Variants in BACH2 observed in about 807,000 individuals in gnomAD.
BACH2 encodes the protein BACH transcriptional regulator 2.
BACH2 carries 5 observed loss-of-function variants against 61.8 expected under a neutral mutation model. The observed-to-expected ratio is 0.08, with a 90% CI of 0.04 to 0.17. The LOEUF is 0.17. BACH2 is among the 10% of genes least tolerant of loss of function. The probability of loss-of-function intolerance (pLI) is 1.00; values close to 1 mark genes in which losing one functional copy is unlikely to be tolerated. For synonymous variants in BACH2, 446 were observed against 440.1 expected, an observed-to-expected ratio of 1.01 and a Z score of -0.17; for missense variants, 824 against 1,091.1, an observed-to-expected ratio of 0.76 and a Z score of 3.45.
chr6:90,220,478 A>T (rs971117987), intron 3 of BACH2, among the ~76,000 whole-genome samples: 4 of 152,234 alleles, frequency 2.6e-5, no homozygotes, highest in African/African-American at 9.6e-5. Flanking sequence ...TCAGGGGAGG[A>T]CTGTTTATTC....
At chr6:90,004,681 C>T (rs996011496) in intron 6 of BACH2, among the ~76,000 whole-genome samples, 12 of 152,188 alleles carry the variant, frequency 7.9e-5, no homozygotes, top group African/African-American at 2.7e-4. Flanking sequence ...ATGCTACTTC[C>T]GTCATGGCTG....
chr6:90,258,514 T>C (rs1301496577), intron 2 of BACH2, among the ~76,000 whole-genome samples: 1 of 152,206 alleles, frequency 6.6e-6, no homozygotes, highest in Non-Finnish European at 1.5e-5. Flanking sequence ...TCCAACTTTG[T>C]TTTGCTTTTT....
intron 4 of BACH2, among the ~76,000 whole-genome samples, chr6:90,099,338 T>G (rs944005003): frequency 1.3e-5 from 2 of 152,202 alleles, no homozygotes; most frequent in African/African-American, 4.8e-5. Context: ...AGGCTCAGTT[T>G]CCTGATGTGA....
At chr6:90,021,299 T>TAAAAAAAAAAAAAAAAAAAAAAAAAAAA (rs200724602) in intron 5 of BACH2, among the ~76,000 whole-genome samples, 1 of 100,242 alleles carries the variant, frequency 1.0e-5, no homozygotes. Context: ...AGCAAAAAAG[T>TAAAAAAAAAAAAAAAAAAAAAAAAAAAA]AAAAAAAAAA....
intron 5 of BACH2, among the ~76,000 whole-genome samples, chr6:90,055,538 G>A (rs1018704530): frequency 1.3e-5 from 2 of 151,986 alleles, no homozygotes; most frequent in South Asian, 4.1e-4. Flanking sequence ...AACCAAGTTG[G>A]AAAACACTCT....
At chr6:90,231,026 T>C (rs1365876192) in intron 3 of BACH2, among the ~76,000 whole-genome samples, 9 of 152,126 alleles carry the variant, frequency 5.9e-5, no homozygotes, top group Non-Finnish European at 8.8e-5. Context: ...GCTTCCTTCC[T>C]CTCTCTGCCG....
At chr6:90,273,469 G>A (rs1171146226) in intron 1 of BACH2, among the ~76,000 whole-genome samples, 1 of 152,182 alleles carries the variant, frequency 6.6e-6, no homozygotes, top group East Asian at 1.9e-4. Flanking sequence ...AGCACAGTAA[G>A]CACTCCATTA....
At chr6:90,019,600 G>C (rs1778269345) in intron 5 of BACH2, among the ~76,000 whole-genome samples, 1 of 145,540 alleles carries the variant, frequency 6.9e-6, no homozygotes, top group African/African-American at 2.7e-5. Context: ...GCGGGATACT[G>C]TCTTTTTTAA....
chr6:90,118,487 A>C lies in BACH2; in HGVS notation c.-161-29378T>G, dbSNP rs552039286. On this transcript the variant is annotated intron_variant, in intron 4 of 8. Transcript: ENST00000257749. ...CTGGGAGAGTTTATTCCTTTCAAAG[A>C]TCCAGCCTCTCAGCTGGTAAGAGTT... Among the ~76,000 whole-genome samples, 6 of 152,316 alleles carry C rather than the reference A, an allele frequency of 3.9e-5. No individual in the cohort carries two copies. In the East Asian group the frequency reaches 1.2e-3, roughly 29 times the overall value.
At position 89,950,816 on chromosome 6, in the gene BACH2, G is replaced by A. The variant is rs930336992; in HGVS notation, c.1290C>T (p.Ser430=). ...CKQEGELDRR[S]VIFSSSACDQ... ...CACAAGCGCTGGAGGAGAAGATCACGCTCCTCCGGTCCAGCTCTCCCTCCT... is the reference window on the plus strand; with the variant it reads ...CACAAGCGCTGGAGGAGAAGATCACACTCCTCCGGTCCAGCTCTCCCTCCT... Residue 430 remains serine, a synonymous_variant, in exon 7 of 9, where the codon AGC becomes AGT. Transcript: ENST00000257749. This position sits in a 1 kb window ranked among gnomAD's most constrained non-coding sequence, Gnocchi z 5.3. 8.1e-6 allele frequency: 13 copies of A among 1,614,074 alleles called. 1 individual carries two copies. Among genetic ancestry groups the A allele is most frequent in the Middle Eastern group, 3.3e-4 (2 of 6,062 alleles).
intron 1 of BACH2, among the ~76,000 whole-genome samples, chr6:90,277,842 T>C (rs1771742546): frequency 6.6e-6 from 1 of 152,164 alleles, no homozygotes; most frequent in Admixed American, 6.5e-5. Flanking sequence ...TCAAATGACA[T>C]AACACTGAAG....
At chr6:90,058,078 G>A (rs1028245011) in intron 5 of BACH2, among the ~76,000 whole-genome samples, 34 of 152,148 alleles carry the variant, frequency 2.2e-4, no homozygotes, top group South Asian at 1.7e-3. Context: ...AGGGATGCCC[G>A]TTCTCACCAC....
intron 3 of BACH2, among the ~76,000 whole-genome samples, chr6:90,246,032 G>C (rs1770624656): frequency 6.6e-6 from 1 of 152,170 alleles, no homozygotes; most frequent in Admixed American, 6.5e-5. Flanking sequence ...CAGAAGTTAA[G>C]TTGGACTGAT....
chr6:90,164,020 C>A (rs1324340220), intron 4 of BACH2, among the ~76,000 whole-genome samples: 9 of 152,036 alleles, frequency 5.9e-5, no homozygotes, highest in African/African-American at 1.7e-4. Flanking sequence ...GAAGCAAGAG[C>A]AATCACATTC....
At chr6:90,231,169 T>G (rs1443555590) in intron 3 of BACH2, among the ~76,000 whole-genome samples, 1 of 152,192 alleles carries the variant, frequency 6.6e-6, no homozygotes, top group Non-Finnish European at 1.5e-5. Context: ...AGTTCCAATT[T>G]TATAACAGAA....
chr6:90,134,639 T>A (rs1404791276), intron 4 of BACH2, among the ~76,000 whole-genome samples: 1 of 152,176 alleles, frequency 6.6e-6, no homozygotes, highest in Non-Finnish European at 1.5e-5. Flanking sequence ...ATGGTGACCA[T>A]CTCCAGAATG....
At chr6:90,201,845 G>A (rs1254610706) in intron 4 of BACH2, among the ~76,000 whole-genome samples, 1 of 152,196 alleles carries the variant, frequency 6.6e-6, no homozygotes, top group Non-Finnish European at 1.5e-5. Context: ...TCAGAAAAAT[G>A]ACTGTTGAGG....
intron 2 of BACH2, among the ~76,000 whole-genome samples, chr6:90,253,534 T>C (rs1466765332): frequency 1.3e-5 from 2 of 152,174 alleles, no homozygotes; most frequent in African/African-American, 2.4e-5. Context: ...CTTGCTCAAC[T>C]CTACCAATCT....
intron 5 of BACH2, among the ~76,000 whole-genome samples, chr6:90,026,949 G>GGCA (rs1765462864): frequency 6.6e-6 from 1 of 152,184 alleles, no homozygotes; most frequent in South Asian, 2.1e-4. Context: ...CAAGACCAAA[G>GGCA]GCAGGCAGCA....
Sources: allele counts gnomAD v4.1 joint callset (sites outside exome capture counted in the v4.1 genomes callset), GRCh38; gene constraint gnomAD v4.1.1; non-coding constraint Gnocchi (gnomAD v3.1); transcripts MANE v1.5; gene names NCBI Gene and HGNC (gene_info 2026-07-23, HGNC 2026-07-21).